AKAP17A: variants seen among roughly 807,000 people sequenced by gnomAD.
The protein encoded by AKAP17A is A-kinase anchor protein 17A.
A neutral mutation model predicts 52.2 loss-of-function variants in AKAP17A; 15 were observed. The observed-to-expected ratio is 0.29, with a 90% CI of 0.19 to 0.44. The LOEUF is 0.44. Among genes scored for constraint, AKAP17A ranks in the 20% least tolerant of loss-of-function variants. The pLI is 1.00. For missense variants in AKAP17A, 1,060 were observed against 1,007.0 expected (o/e 1.05, Z -0.71); for synonymous variants, 514 against 424.7 (o/e 1.21, Z -2.58).
At chrX:1,597,870 C>T (rs1386436807) in intron 3 of AKAP17A, among the ~76,000 whole-genome samples, 1 of 151,818 alleles carries the variant, frequency 6.6e-6, no homozygotes, top group Non-Finnish European at 1.5e-5. Flanking sequence ...ATGGGGTGTC[C>T]AGAGCCCCGG....
In AKAP17A at chrX:1,593,548, A is replaced by G. The variant is rs1457724515; in HGVS notation, c.86A>G (p.Lys29Arg). Residue 29 changes from lysine (K) to arginine (R), a missense_variant, in exon 2 of 5, where the codon AAG (lysine) becomes AGG (arginine). Physicochemically the swap from Lys to Arg is conservative, Grantham distance 26. Coordinates refer to ENST00000313871, the MANE Select transcript of AKAP17A (RefSeq NM_005088.3). ...GGCTTGTACCTGAAGCCCATCACCA[A>G]GATGACCATCAGCGTGGCACTCCCG... is the stretch of plus-strand genomic sequence containing the variant. ...AYGLYLKPIT[K>R]MTISVALPQL... is the part of the protein sequence containing the mutation. 3 of 1,613,750 alleles carry G rather than the reference A, an allele frequency of 1.9e-6. No individual in the cohort carries two copies. In the Admixed American group the frequency reaches 5.0e-5, roughly 27 times the overall value.
At chrX:1,593,411 G>C (rs1432294886) in intron 1 of AKAP17A, 33 bp from the exon 2 acceptor site, 2 of 1,567,756 alleles carry the variant, frequency 1.3e-6, no homozygotes, top group African/African-American at 2.7e-5. Context: ...GGTGGGGGGT[G>C]CTGGTGCTGA....
Position 1,601,505 on chromosome X carries a change from G to T in AKAP17A, c.1999G>T (p.Ala667Ser). ...GCGGAGCCGGGAGCGGAGGGGCAGC[G>T]CCAGCAGGAAGCACAGCCGCCACCG... Reference protein sequence around the residue: ...RERSRERRGSASRKHSRHRRR... With the variant: ...RERSRERRGSSSRKHSRHRRR... The change falls in exon 5 of 5, where the codon GCC (alanine) becomes TCC (serine). Residue 667 changes from alanine (A) to serine (S), a missense_variant. By Grantham distance (99) the Ala-to-Ser change is moderately conservative. Around this residue, in one of 2 missense-constraint regions of AKAP17A, gnomAD observed 793 missense variants for 629.9 expected, o/e 1.26. Coordinates refer to ENST00000313871, the MANE Select transcript of AKAP17A (RefSeq NM_005088.3). The T allele has an allele frequency of 6.5e-7, 1 of 1,526,822 alleles. No homozygotes were observed. Among genetic ancestry groups the T allele is most frequent in the Admixed American group, 2.2e-5 (1 of 45,824 alleles). The allele number at this position is 1,526,822 out of a possible 1,614,324, so 94.6% of individuals were successfully genotyped here. A position where few individuals can be genotyped will look rare whatever the true frequency, so the allele number is the denominator to read the frequency against.
Position 1,599,287 on chromosome X carries a change from G to T in AKAP17A, c.1007G>T (p.Arg336Leu). The stretch of plus-strand genomic sequence containing the variant: ...AAGCAGAGGGACCGTGAGCTGCGCC[G>T]GAATCAGAAGAAGCTGGAGAAGCTG... ...EQKQRDRELR[R>L]NQKKLEKLQA... The change falls in exon 4 of 5, where the codon CGG becomes CTG. Residue 336 changes from arginine to leucine, a missense_variant. By Grantham distance (102) the Arg-to-Leu change is moderately radical (BLOSUM62 -2). Around this residue, in one of 2 missense-constraint regions of AKAP17A, gnomAD observed 793 missense variants for 629.9 expected, o/e 1.26. Transcript: ENST00000313871. 6.2e-7 allele frequency: 1 copy of T among 1,611,528 alleles called. No homozygotes were observed. Among genetic ancestry groups the T allele is most frequent in the East Asian group, 2.2e-5 (1 of 44,864 alleles).
chrX:1,596,239 A>C (rs753596104), intron 3 of AKAP17A, among the ~76,000 whole-genome samples: 2 of 151,508 alleles, frequency 1.3e-5, no homozygotes, highest in South Asian at 2.1e-4. Flanking sequence ...AAAAAAAAAA[A>C]AAAACAAAAA....
In AKAP17A at chrX:1,594,128, C is replaced by T. The variant is rs6644621; in HGVS notation, c.666C>T (p.Arg222=). The T allele has an allele frequency of 0.55, 883,491 of 1,611,774 alleles. 243,493 individuals carry two copies. The highest frequency in any genetic ancestry group is 0.64 in the Middle Eastern group (3,862 of 6,032). Residue 222 remains arginine, a synonymous_variant, in exon 2 of 5, where the codon CGC becomes CGT. Transcript: ENST00000313871. ...ACTTCGAGGCCTATGTGCAGTACCG[C>T]GAGTACATGGGCTTCATCCAGGCCA... ...HLNFEAYVQY[R]EYMGFIQAMS...
In AKAP17A at chrX:1,594,182, G is replaced by A; in HGVS notation, c.720G>A (p.Met240Ile). 3 of 1,580,264 alleles carry A rather than the reference G, an allele frequency of 1.9e-6. No homozygotes were observed. The highest frequency in any genetic ancestry group is 2.6e-6 in the Non-Finnish European group (3 of 1,160,126). ...AMSALRGMKL[M>I]YKGEDGKAVA... The stretch of plus-strand genomic sequence containing the variant: ...GCGCCCTGCGCGGGATGAAACTCAT[G>A]TACAAGGGCGAGGACGGCAAGGCCG... The change falls in exon 2 of 5, where the codon ATG (methionine) becomes ATA (isoleucine). Residue 240 changes from methionine to isoleucine, a missense_variant. Coordinates refer to ENST00000313871, the MANE Select transcript of AKAP17A (RefSeq NM_005088.3).
intron 4 of AKAP17A, chrX:1,600,285 A>T: frequency 3.0e-6 from 3 of 1,016,740 alleles, no homozygotes; most frequent in Non-Finnish European, 4.1e-6. Flanking sequence ...CTGCGGCGTC[A>T]TCTCAGCTCC....
chrX:1,593,492 G>C lies in AKAP17A; in HGVS notation c.30G>C (p.Thr10=), dbSNP rs150529812. MAAATIVHD[T]SEAVELCPAY... ...CAGCGGCTACCATCGTGCACGACAC[G>C]TCTGAGGCCGTGGAGCTCTGCCCTG... is the stretch of plus-strand genomic sequence containing the variant. Residue 10 remains threonine (T), a synonymous_variant, in exon 2 of 5, where the codon ACG becomes ACC. Transcript: ENST00000313871. 1 of 1,613,654 alleles carries C rather than the reference G, an allele frequency of 6.2e-7. No homozygotes were observed. Among genetic ancestry groups the C allele is most frequent in the South Asian group, 1.1e-5 (1 of 91,074 alleles).
At position 1,601,084 on chromosome X, in the gene AKAP17A, G is replaced by C. The variant is rs1933348585; in HGVS notation, c.1578G>C (p.Gln526His). 6.2e-7 allele frequency: 1 copy of C among 1,613,668 alleles called. No homozygotes were observed. The highest frequency in any genetic ancestry group is 8.5e-7 in the Non-Finnish European group (1 of 1,179,694). Reference protein sequence around the residue: ...VAEEAPCKEVQSSCRVVPEDG... With the variant: ...VAEEAPCKEVHSSCRVVPEDG... ...AGGAGGCCCCATGCAAGGAGGTTCA[G>C]AGCTCCTGTCGTGTGGTCCCCGAGG... Residue 526 changes from glutamine to histidine, a missense_variant, in exon 5 of 5, where the codon CAG becomes CAC. This residue lies in a region of AKAP17A where 793 missense variants were observed against 629.9 expected (regional missense o/e 1.26). Transcript: ENST00000313871.
At chrX:1,597,545 T>G (rs768510424) in intron 3 of AKAP17A, among the ~76,000 whole-genome samples, 1 of 152,002 alleles carries the variant, frequency 6.6e-6, no homozygotes, top group Non-Finnish European at 1.5e-5. Flanking sequence ...TGGGAGACAG[T>G]CCTGGGGCGT....
intron 3 of AKAP17A, among the ~76,000 whole-genome samples, chrX:1,597,355 A>G (rs1412814964): frequency 6.6e-6 from 1 of 152,178 alleles, no homozygotes; most frequent in African/African-American, 2.4e-5. Context: ...GGCCCATGTC[A>G]GCCGTCAGGA....
Position 1,599,490 on chromosome X carries a change from C to T in AKAP17A, c.1152+58C>T, listed in dbSNP as rs745730982. 2.8e-5 allele frequency: 44 copies of T among 1,550,722 alleles called. No individual in the cohort carries two copies. In the South Asian group the frequency reaches 4.0e-4, roughly 14 times the overall value. ...GCGCCCGGGCTGCCCTCAGTGCCCTCCCCTGAAATGCGGGCGGCGTCACGG... is the reference window on the plus strand; with the variant it reads ...GCGCCCGGGCTGCCCTCAGTGCCCTTCCCTGAAATGCGGGCGGCGTCACGG... On this transcript the variant is annotated intron_variant, in intron 4 of 4. Coordinates refer to ENST00000313871, the MANE Select transcript of AKAP17A (RefSeq NM_005088.3).
chrX:1,600,336 G>A lies in AKAP17A; in HGVS notation c.1153-323G>A, dbSNP rs1311650962. ...GCTTGTGACCTAACCGCAGGCGCCTGTGTGCAACGTGGTGGGGCTCCCGGC... is the reference window on the plus strand; with the variant it reads ...GCTTGTGACCTAACCGCAGGCGCCTATGTGCAACGTGGTGGGGCTCCCGGC... On this transcript the variant is annotated intron_variant, in intron 4 of 4. Transcript: ENST00000313871. 3 of 697,494 alleles carry A rather than the reference G, an allele frequency of 4.3e-6. No homozygotes were observed. The African/African-American group carries it at 5.3e-5, about 12-fold the overall frequency. 43.2% of individuals were successfully genotyped at this position (697,494 alleles called of 1,614,324 possible).
intron 3 of AKAP17A, among the ~76,000 whole-genome samples, chrX:1,597,054 G>A (rs1322867846): frequency 6.6e-6 from 1 of 152,218 alleles, no homozygotes; most frequent in Non-Finnish European, 1.5e-5. Flanking sequence ...TGGCTGGGGG[G>A]CTCCTGGACA....
intron 2 of AKAP17A, among the ~76,000 whole-genome samples, 186 bp downstream of exon 2, chrX:1,594,410 G>A (rs1292649716): frequency 5.9e-5 from 9 of 152,046 alleles, no homozygotes; most frequent in African/African-American, 1.2e-4. Flanking sequence ...TAGGGGTCCC[G>A]TGCTGTGGTT....
Position 1,601,415 on chromosome X carries a change from C to T in AKAP17A, c.1909C>T (p.Arg637Cys), listed in dbSNP as rs369278824. The T allele has an allele frequency of 4.1e-5, 64 of 1,565,574 alleles. No homozygotes were observed. Among genetic ancestry groups the T allele is most frequent in the Admixed American group, 2.7e-4 (15 of 54,848 alleles). ...HAYKDDSPRR[R>C]STSPDHTRSR... is the part of the protein sequence containing the mutation. ...CTACAAGGATGACAGCCCCCGCCGG[C>T]GCAGCACGAGCCCGGACCACACCCG... Residue 637 changes from arginine to cysteine, a missense_variant, in exon 5 of 5, where the codon CGC becomes TGC. Arg to Cys is a radical substitution (Grantham distance 180). This residue lies in a region of AKAP17A where 793 missense variants were observed against 629.9 expected (regional missense o/e 1.26). Transcript: ENST00000313871.
intron 2 of AKAP17A, among the ~76,000 whole-genome samples, chrX:1,594,552 G>A (rs1298821647): frequency 1.3e-5 from 2 of 152,148 alleles, no homozygotes; most frequent in East Asian, 3.8e-4. Context: ...TTCCCAGAAT[G>A]CACCTTGAAA....
intron 1 of AKAP17A, among the ~76,000 whole-genome samples, chrX:1,592,849 A>C (rs757967218): frequency 5.5e-4 from 83 of 152,232 alleles, no homozygotes; most frequent in African/African-American, 1.8e-3. Flanking sequence ...AGTTCGTTGT[A>C]CTTTTTGGCT....
Sources: gnomAD v4.1 joint callset for allele counts (sites outside exome capture counted in the v4.1 genomes callset) on GRCh38, gnomAD v4.1.1 for gene constraint, gnomAD v4.1.1 regional missense constraint, MANE v1.5 for transcripts, NCBI Gene and HGNC (gene_info 2026-07-23, HGNC 2026-07-21) for gene names.